Variants in EXOSC6 observed in about 807,000 individuals in gnomAD.
The protein encoded by EXOSC6 is exosome complex component MTR3.
A neutral mutation model predicts 16.7 loss-of-function variants in EXOSC6; 21 were observed. That is an observed-to-expected ratio of 1.26 (90% CI 0.89 to 1.82). The LOEUF (loss-of-function observed/expected upper bound fraction) is 1.82. EXOSC6 is among the 40% of genes most tolerant of loss of function. The probability of loss-of-function intolerance (pLI) is 0.00; values close to 1 mark genes in which losing one functional copy is unlikely to be tolerated. For missense variants in EXOSC6, 538 were observed against 415.7 expected (o/e 1.29, Z -2.56); for synonymous variants, 297 against 217.1 (o/e 1.37, Z -3.24).
Position 70,248,753 on chromosome 16 carries a change from C to CCTGACTTAT in EXOSC6, c.*2320_*2328dup, listed in dbSNP as rs1280896920. On this transcript the variant is annotated 3_prime_UTR_variant, in exon 1 of 1. Transcript: ENST00000435634. Reference sequence around the variant, plus strand: ...GGGACTACAGGTGCATACCACCATGCCTGACTTATTTTTTTTCCTTTTTTT... The same window carrying CCTGACTTAT: ...GGGACTACAGGTGCATACCACCATGCCTGACTTATCTGACTTATTTTTTTTCCTTTTTTT... 6.7e-6 allele frequency: 1 copy of CCTGACTTAT among 149,048 alleles called. No individual in the cohort carries two copies. The highest frequency in any genetic ancestry group is 2.0e-4 in the East Asian group (1 of 5,116). 9.2% of individuals were successfully genotyped at this position (149,048 alleles called of 1,614,324 possible). A position where few individuals can be genotyped will look rare whatever the true frequency, so the allele number is the denominator to read the frequency against.
In EXOSC6 at chr16:70,251,392, G is replaced by A; in HGVS notation, c.509C>T (p.Ala170Val). Residue 170 changes from alanine to valine, a missense_variant, in exon 1 of 1, where the codon GCC becomes GTC. By Grantham distance (64) the Ala-to-Val change is moderately conservative (BLOSUM62 0). Transcript: ENST00000435634. ...AALTAAALAL[A>V]DAGVEMYDLV... ...GTCGTACATCTCCACGCCCGCGTCG[G>A]CCAGGGCGAGCGCGGCGGCGGTGAG... 7.4e-7 allele frequency: 1 copy of A among 1,349,746 alleles called. No homozygotes were observed. The highest frequency in any genetic ancestry group is 9.5e-7 in the Non-Finnish European group (1 of 1,057,374). 83.6% of individuals were successfully genotyped at this position (1,349,746 alleles called of 1,614,324 possible). A position where few individuals can be genotyped will look rare whatever the true frequency, so the allele number is the denominator to read the frequency against.
rs1959737315 is a variant in EXOSC6, at chr16:70,248,516, G to A, written c.*2566C>T. ...AATTATGCATGCAGAATAAGCCCAA[G>A]CTGGTGGCATTCTGTTCAGTTACAG... On this transcript the variant is annotated 3_prime_UTR_variant, in exon 1 of 1. Transcript: ENST00000435634. The A allele has an allele frequency of 6.6e-6, 1 of 152,118 alleles. No individual in the cohort carries two copies. Among genetic ancestry groups the A allele is most frequent in the Non-Finnish European group, 1.5e-5 (1 of 68,030 alleles). The allele number at this position is 152,118 out of a possible 1,614,324, so 9.4% of individuals were successfully genotyped here. A position where few individuals can be genotyped will look rare whatever the true frequency, so the allele number is the denominator to read the frequency against.
Position 70,251,804 on chromosome 16 carries a change from G to C in EXOSC6, c.97C>G (p.Pro33Ala), listed in dbSNP as rs2077625770. ...DEEEAPGTRD[P>A]TRLRPVYARA... ...GCGTACACGGGCCGTAGCCGCGTTGGGTCGCGGGTGCCGGGCGCCTCCTCC... is the reference window on the plus strand; with the variant it reads ...GCGTACACGGGCCGTAGCCGCGTTGCGTCGCGGGTGCCGGGCGCCTCCTCC... The change falls in exon 1 of 1, where the codon CCA (proline) becomes GCA (alanine). Residue 33 changes from proline (P) to alanine (A), a missense_variant. By Grantham distance (27) the Pro-to-Ala change is conservative (BLOSUM62 -1). Transcript: ENST00000435634. 1 of 1,516,398 alleles carries C rather than the reference G, an allele frequency of 6.6e-7. No homozygotes were observed. Among genetic ancestry groups the C allele is most frequent in the Non-Finnish European group, 8.8e-7 (1 of 1,142,148 alleles). 93.9% of individuals were successfully genotyped at this position (1,516,398 alleles called of 1,614,324 possible). A position where few individuals can be genotyped will look rare whatever the true frequency, so the allele number is the denominator to read the frequency against.
Position 70,251,295 on chromosome 16 carries a change from G to C in EXOSC6, c.606C>G (p.Leu202=), listed in dbSNP as rs930181761. 5.5e-5 allele frequency: 79 copies of C among 1,423,502 alleles called. No homozygotes were observed. The African/African-American group carries it at 9.9e-4, about 18-fold the overall frequency. 88.2% of individuals were successfully genotyped at this position (1,423,502 alleles called of 1,614,324 possible). A position where few individuals can be genotyped will look rare whatever the true frequency, so the allele number is the denominator to read the frequency against. The change falls in exon 1 of 1, where the codon CTC becomes CTG. Residue 202 remains leucine, a synonymous_variant. Transcript: ENST00000435634. ...APTWLLDPTR[L]EEERAAAGLT... Reference sequence around the variant, plus strand: ...GGCCGGCGGCGGCGCGCTCTTCCTCGAGCCGCGTGGGGTCCAGGAGCCAGG... The same window carrying C: ...GGCCGGCGGCGGCGCGCTCTTCCTCCAGCCGCGTGGGGTCCAGGAGCCAGG...
Position 70,251,254 on chromosome 16 carries a change from A to C in EXOSC6, c.647T>G (p.Met216Arg), listed in dbSNP as rs749237213. Residue 216 changes from methionine (M) to arginine (R), a missense_variant, in exon 1 of 1, where the codon ATG (methionine) becomes AGG (arginine). By Grantham distance (91) the Met-to-Arg change is moderately conservative (BLOSUM62 -1). Transcript: ENST00000435634. ...RAAAGLTVAL[M>R]PVLNQVAGLL... is the part of the protein sequence containing the mutation. The stretch of plus-strand genomic sequence containing the variant: ...CCCGGCCACCTGATTCAGCACAGGC[A>C]TGAGCGCCACGGTGAGGCCGGCGGC... 1 of 1,481,622 alleles carries C rather than the reference A, an allele frequency of 6.7e-7. No homozygotes were observed. Among genetic ancestry groups the C allele is most frequent in the African/African-American group, 1.5e-5 (1 of 68,046 alleles). The allele number at this position is 1,481,622 out of a possible 1,614,324, so 91.8% of individuals were successfully genotyped here. A position where few individuals can be genotyped will look rare whatever the true frequency, so the allele number is the denominator to read the frequency against.
In EXOSC6 at chr16:70,249,701, A is replaced by C. The variant is rs532574714; in HGVS notation, c.*1381T>G. The C allele has an allele frequency of 4.6e-5, 7 of 152,190 alleles. No homozygotes were observed. Among genetic ancestry groups the C allele is most frequent in the Admixed American group, 3.9e-4 (6 of 15,270 alleles). 9.4% of individuals were successfully genotyped at this position (152,190 alleles called of 1,614,324 possible). ...CTAAAAACCAGAGGAAAAAAATCTTATAACTTTGGGAGGCTGAGGCAGATG... is the reference window on the plus strand; with the variant it reads ...CTAAAAACCAGAGGAAAAAAATCTTCTAACTTTGGGAGGCTGAGGCAGATG... On this transcript the variant is annotated 3_prime_UTR_variant, in exon 1 of 1. Transcript: ENST00000435634.
At position 70,251,852 on chromosome 16, in the gene EXOSC6, G is replaced by T; in HGVS notation, c.49C>A (p.Pro17Thr). ...TCCTCGTCGGCCGCGTACAGCTGCG[G>T]CGGCTGCGATTCTTCAGGGCCGCGG... Reference protein sequence around the residue: ...RIRGPEESQPPQLYAADEEEA... With the variant: ...RIRGPEESQPTQLYAADEEEA... Residue 17 changes from proline (P) to threonine (T), a missense_variant, in exon 1 of 1, where the codon CCG (proline) becomes ACG (threonine). Transcript: ENST00000435634. The T allele has an allele frequency of 6.4e-7, 1 of 1,555,636 alleles. No individual in the cohort carries two copies. The highest frequency in any genetic ancestry group is 8.6e-7 in the Non-Finnish European group (1 of 1,161,128).
chr16:70,246,783 G>A lies in EXOSC6; in HGVS notation c.*4299C>T, dbSNP rs1472680636. The A allele has an allele frequency of 3.4e-6, 2 of 588,626 alleles. No individual in the cohort carries two copies. Among genetic ancestry groups the A allele is most frequent in the Non-Finnish European group, 5.9e-6 (2 of 336,702 alleles). 36.5% of individuals were successfully genotyped at this position (588,626 alleles called of 1,614,324 possible). The stretch of plus-strand genomic sequence containing the variant: ...AGGAAAATAAAAGAACTACATTTCT[G>A]ACAACAATGAAATAGTTTATTTTCT... On this transcript the variant is annotated 3_prime_UTR_variant, in exon 1 of 1. Transcript: ENST00000435634.
rs1319962165 is a variant in EXOSC6, at chr16:70,250,174, G to C, written c.*908C>G. ...TTATATATATGCATACACAAGCAAA[G>C]CCAGAAGAGAATAAATAGCAAATGA... is the stretch of plus-strand genomic sequence containing the variant. On this transcript the variant is annotated 3_prime_UTR_variant, in exon 1 of 1. Transcript: ENST00000435634. 1 of 151,878 alleles carries C rather than the reference G, an allele frequency of 6.6e-6. No homozygotes were observed. Among genetic ancestry groups the C allele is most frequent in the Non-Finnish European group, 1.5e-5 (1 of 67,994 alleles). 9.4% of individuals were successfully genotyped at this position (151,878 alleles called of 1,614,324 possible).
At position 70,251,377 on chromosome 16, in the gene EXOSC6, T is replaced by G. The variant is rs1959814845; in HGVS notation, c.524A>C (p.Glu175Ala). 7.3e-7 allele frequency: 1 copy of G among 1,364,552 alleles called. No homozygotes were observed. The highest frequency in any genetic ancestry group is 9.4e-7 in the Non-Finnish European group (1 of 1,064,850). 84.5% of individuals were successfully genotyped at this position (1,364,552 alleles called of 1,614,324 possible). ...AALALADAGVEMYDLVVGCGL... is the reference protein window; with the variant it reads ...AALALADAGVAMYDLVVGCGL... ...GCAGCCCACCACCAGGTCGTACATC[T>G]CCACGCCCGCGTCGGCCAGGGCGAG... The change falls in exon 1 of 1, where the codon GAG (glutamate) becomes GCG (alanine). Residue 175 changes from glutamate (E) to alanine (A), a missense_variant. Physicochemically the swap from Glu to Ala is moderately radical, Grantham distance 107 (BLOSUM62 -1). Transcript: ENST00000435634.
rs914145065 is a variant in EXOSC6, at chr16:70,250,198, G to A, written c.*884C>T. ...AGCCAGAAGAGAATAAATAGCAAAT[G>A]AATGAAAACTAGAAGCAAAAACAAA... On this transcript the variant is annotated 3_prime_UTR_variant, in exon 1 of 1. Transcript: ENST00000435634. 4 of 151,972 alleles carry A rather than the reference G, an allele frequency of 2.6e-5. No homozygotes were observed. The highest frequency in any genetic ancestry group is 7.3e-5 in the African/African-American group (3 of 41,348). The allele number at this position is 151,972 out of a possible 1,614,324, so 9.4% of individuals were successfully genotyped here.
At position 70,250,965 on chromosome 16, in the gene EXOSC6, A is replaced by G. The variant is rs527761151; in HGVS notation, c.*117T>C. On this transcript the variant is annotated 3_prime_UTR_variant, in exon 1 of 1. Coordinates refer to ENST00000435634, the MANE Select transcript of EXOSC6 (RefSeq NM_058219.3). ...CAGTCAGGTCAGTCCAACCACAGTC[A>G]TATCAGGGCCCTTCCAGGAATTCTC... 5.5e-4 allele frequency: 722 copies of G among 1,309,902 alleles called. 3 individuals carry two copies. The African/African-American group carries it at 9.7e-3, about 18-fold the overall frequency. The allele number at this position is 1,309,902 out of a possible 1,614,324, so 81.1% of individuals were successfully genotyped here.
In EXOSC6 at chr16:70,251,014, G is replaced by T. The variant is rs1263906208; in HGVS notation, c.*68C>A. 11 of 1,418,984 alleles carry T rather than the reference G, an allele frequency of 7.8e-6. No homozygotes were observed. The highest frequency in any genetic ancestry group is 1.0e-5 in the Non-Finnish European group (11 of 1,091,778). 87.9% of individuals were successfully genotyped at this position (1,418,984 alleles called of 1,614,324 possible). A position where few individuals can be genotyped will look rare whatever the true frequency, so the allele number is the denominator to read the frequency against. On this transcript the variant is annotated 3_prime_UTR_variant, in exon 1 of 1. Transcript: ENST00000435634. Reference sequence around the variant, plus strand: ...TCGACGCAAACTGGAGGCCGATGGCGCGGGTCTTTTCGTGGACGGCGGCAG... The same window carrying T: ...TCGACGCAAACTGGAGGCCGATGGCTCGGGTCTTTTCGTGGACGGCGGCAG...
Position 70,251,396 on chromosome 16 carries a change from G to C in EXOSC6, c.505C>G (p.Leu169Val). ...TACATCTCCACGCCCGCGTCGGCCA[G>C]GGCGAGCGCGGCGGCGGTGAGCGCG... ...AAALTAAALA[L>V]ADAGVEMYDL... Residue 169 changes from leucine (L) to valine (V), a missense_variant, in exon 1 of 1, where the codon CTG (leucine) becomes GTG (valine). Leu to Val is a conservative substitution (Grantham distance 32). Transcript: ENST00000435634. 7.4e-7 allele frequency: 1 copy of C among 1,344,326 alleles called. No homozygotes were observed. Among genetic ancestry groups the C allele is most frequent in the Non-Finnish European group, 9.5e-7 (1 of 1,054,792 alleles). The allele number at this position is 1,344,326 out of a possible 1,614,324, so 83.3% of individuals were successfully genotyped here. A position where few individuals can be genotyped will look rare whatever the true frequency, so the allele number is the denominator to read the frequency against.
Position 70,251,416 on chromosome 16 carries a change from A to G in EXOSC6, c.485T>C (p.Leu162Pro). The G allele has an allele frequency of 1.5e-6, 2 of 1,337,412 alleles. No homozygotes were observed. The highest frequency in any genetic ancestry group is 9.5e-7 in the Non-Finnish European group (1 of 1,051,142). 82.8% of individuals were successfully genotyped at this position (1,337,412 alleles called of 1,614,324 possible). ...GGCCAGGGCGAGCGCGGCGGCGGTGAGCGCGGCGGCCAGGGCCGAGCCACC... is the reference window on the plus strand; with the variant it reads ...GGCCAGGGCGAGCGCGGCGGCGGTGGGCGCGGCGGCCAGGGCCGAGCCACC... ...EDGGSALAAA[L>P]TAAALALADA... The change falls in exon 1 of 1, where the codon CTC (leucine) becomes CCC (proline). Residue 162 changes from leucine (L) to proline (P), a missense_variant. Physicochemically the swap from Leu to Pro is moderately conservative, Grantham distance 98. Transcript: ENST00000435634.
chr16:70,249,030 A>AC lies in EXOSC6; in HGVS notation c.*2051_*2052insG, dbSNP rs1959750199. 1.3e-5 allele frequency: 2 copies of AC among 149,730 alleles called. No homozygotes were observed. The highest frequency in any genetic ancestry group is 4.2e-4 in the South Asian group (2 of 4,720). The allele number at this position is 149,730 out of a possible 1,614,324, so 9.3% of individuals were successfully genotyped here. ...CAAAAACTGTAAAAAAAAAAAAAAA[A>AC]AACCCTAATATCAGATATTCCAGAC... On this transcript the variant is annotated 3_prime_UTR_variant, in exon 1 of 1. Transcript: ENST00000435634.
At position 70,251,601 on chromosome 16, in the gene EXOSC6, G is replaced by C; in HGVS notation, c.300C>G (p.Phe100Leu). ...AALRGRLLCDFRRAPFAGRRR... is the reference protein window; with the variant it reads ...AALRGRLLCDLRRAPFAGRRR... ...GGCGGCCCGCGAAGGGTGCGCGGCG[G>C]AAGTCGCAGAGCAGGCGACCGCGCA... The change falls in exon 1 of 1, where the codon TTC becomes TTG. Residue 100 changes from phenylalanine to leucine, a missense_variant. Physicochemically the swap from Phe to Leu is conservative, Grantham distance 22 (BLOSUM62 0). Coordinates refer to ENST00000435634, the MANE Select transcript of EXOSC6 (RefSeq NM_058219.3). The C allele has an allele frequency of 9.3e-7, 1 of 1,074,820 alleles. No individual in the cohort carries two copies. Among genetic ancestry groups the C allele is most frequent in the Non-Finnish European group, 1.1e-6 (1 of 890,704 alleles). 66.6% of individuals were successfully genotyped at this position (1,074,820 alleles called of 1,614,324 possible).
In EXOSC6 at chr16:70,251,471, G is replaced by A. The variant is rs747021297; in HGVS notation, c.430C>T (p.Leu144Phe). 25 of 1,328,470 alleles carry A rather than the reference G, an allele frequency of 1.9e-5. No homozygotes were observed. Among genetic ancestry groups the A allele is most frequent in the Non-Finnish European group, 2.3e-5 (24 of 1,038,448 alleles). The allele number at this position is 1,328,470 out of a possible 1,614,324, so 82.3% of individuals were successfully genotyped here. The change falls in exon 1 of 1, where the codon CTC becomes TTC. Residue 144 changes from leucine (L) to phenylalanine (F), a missense_variant. Physicochemically the swap from Leu to Phe is conservative, Grantham distance 22. Coordinates refer to ENST00000435634, the MANE Select transcript of EXOSC6 (RefSeq NM_058219.3). ...VRLGRYPRAQ[L>F]EVSALLLEDG... ...TCCAGCAGCAGCGCCGACACCTCGAGCTGCGCGCGCGGGTAGCGGCCCAGG... is the reference window on the plus strand; with the variant it reads ...TCCAGCAGCAGCGCCGACACCTCGAACTGCGCGCGCGGGTAGCGGCCCAGG...
In EXOSC6 at chr16:70,250,769, G is replaced by A. The variant is rs1390699360; in HGVS notation, c.*313C>T. The A allele has an allele frequency of 6.2e-6, 2 of 321,736 alleles. No homozygotes were observed. The highest frequency in any genetic ancestry group is 1.1e-5 in the Non-Finnish European group (2 of 178,398). The allele number at this position is 321,736 out of a possible 1,614,324, so 19.9% of individuals were successfully genotyped here. The stretch of plus-strand genomic sequence containing the variant: ...AGCACTTTGGGAGGCCAAGGCAGGA[G>A]GATCAATCAAGGCTAGGAGTTTGAG... On this transcript the variant is annotated 3_prime_UTR_variant, in exon 1 of 1. Coordinates refer to ENST00000435634, the MANE Select transcript of EXOSC6 (RefSeq NM_058219.3).
Sources: gnomAD v4.1 joint callset for allele counts on GRCh38, gnomAD v4.1.1 for gene constraint, MANE v1.5 for transcripts, NCBI Gene and HGNC (gene_info 2026-07-23, HGNC 2026-07-21) for gene names.